RIMBP2: variants seen among roughly 807,000 people sequenced by gnomAD.
The protein encoded by RIMBP2 is RIMS binding protein 2.
Under a neutral mutation model 118.6 loss-of-function variants are expected in RIMBP2, and 48 were observed. The observed-to-expected ratio is 0.40, with a 90% CI of 0.32 to 0.51. The LOEUF is 0.51. Ranked by LOEUF, RIMBP2 falls within the 20% of genes least tolerant of loss-of-function variation. RIMBP2 has a pLI of 0.41. For missense variants in RIMBP2, 1,551 were observed against 1,768.3 expected (o/e 0.88, Z 2.20); for synonymous variants, 762 against 742.9 (o/e 1.03, Z -0.42).
Position 130,434,602 on chromosome 12 carries a change from C to G in RIMBP2, c.2253+132G>C, listed in dbSNP as rs2077371764. 6 of 935,012 alleles carry G rather than the reference C, an allele frequency of 6.4e-6. No individual in the cohort carries two copies. The highest frequency in any genetic ancestry group is 7.9e-6 in the Non-Finnish European group (5 of 636,310). 57.9% of individuals were successfully genotyped at this position (935,012 alleles called of 1,614,324 possible). On this transcript the variant is annotated intron_variant, in intron 14 of 22. Transcript: ENST00000690449. The surrounding 1 kb of genome is among the most constrained non-coding windows in gnomAD (Gnocchi z 5.7). ...AGAAACCTAGCACGACTTAGGACCC[C>G]AGCTGGGCGTCTCCATCTCTCTCAG...
chr12:130,613,686 T>A (rs964422901), intron 2 of RIMBP2, among the ~76,000 whole-genome samples: 1 of 151,478 alleles, frequency 6.6e-6, no homozygotes, highest in African/African-American at 2.4e-5. Context: ...TGGTGGCGGG[T>A]GCCTGTGATC....
At chr12:130,489,537 G>A (rs528930554) in intron 4 of RIMBP2, among the ~76,000 whole-genome samples, 3 of 152,142 alleles carry the variant, frequency 2.0e-5, no homozygotes, top group African/African-American at 4.8e-5. Context: ...TCTGCCTCTC[G>A]AGCTGTCTCC....
chr12:130,463,926 C>T (rs2080228957), intron 6 of RIMBP2, among the ~76,000 whole-genome samples: 1 of 151,690 alleles, frequency 6.6e-6, no homozygotes, highest in African/African-American at 2.4e-5. Context: ...GCTGGTTGTC[C>T]TCACAGCACA....
rs12426879 is a variant in RIMBP2, at chr12:130,621,088, G to A, written c.-217+7234C>T. Among the ~76,000 whole-genome samples the A allele has an allele frequency of 0.37, 55,919 of 152,008 alleles. 12,008 individuals carry two copies. Among genetic ancestry groups the A allele is most frequent in the East Asian group, 0.58 (2,991 of 5,128 alleles). ...GATGGAGTCACCCCTTAGTGAGGGTGGGTTCATTTTTTTACCAGCACCCTG... is the reference window on the plus strand; with the variant it reads ...GATGGAGTCACCCCTTAGTGAGGGTAGGTTCATTTTTTTACCAGCACCCTG... On this transcript the variant is annotated intron_variant, in intron 2 of 22. Coordinates refer to ENST00000690449, the MANE Select transcript of RIMBP2 (RefSeq NM_001393629.1). This position sits in a 1 kb window ranked among gnomAD's most constrained non-coding sequence, Gnocchi z 6.6.
chr12:130,644,540 G>T (rs531245121), intron 1 of RIMBP2, among the ~76,000 whole-genome samples: 2 of 152,270 alleles, frequency 1.3e-5, no homozygotes, highest in Non-Finnish European at 2.9e-5. Context: ...TTACTTCGAG[G>T]AGCCGTATCA....
intron 1 of RIMBP2, among the ~76,000 whole-genome samples, chr12:130,707,031 G>A (rs2066153681): frequency 6.6e-6 from 1 of 152,182 alleles, no homozygotes; most frequent in Non-Finnish European, 1.5e-5. Context: ...AAAACATCAA[G>A]TAACTGAACG....
chr12:130,647,982 C>T (rs2063061241), intron 1 of RIMBP2, among the ~76,000 whole-genome samples: 1 of 128,292 alleles, frequency 7.8e-6, no homozygotes, highest in Admixed American at 7.6e-5. Context: ...ACCCCAGCTC[C>T]GTTGGATAAC....
chr12:130,636,619 G>T lies in RIMBP2; in HGVS notation c.-351-8163C>A, dbSNP rs139351990. On this transcript the variant is annotated intron_variant, in intron 1 of 22. Transcript: ENST00000690449. Reference sequence around the variant, plus strand: ...TGCCAGATACTCGCACACTATTGAAGAAATGAATGGATGGGGAAATGAGTG... The same window carrying T: ...TGCCAGATACTCGCACACTATTGAATAAATGAATGGATGGGGAAATGAGTG... Among the ~76,000 whole-genome samples the T allele has an allele frequency of 4.2e-3, 642 of 152,300 alleles. 4 individuals are homozygous for T. The highest frequency in any genetic ancestry group is 0.015 in the African/African-American group (613 of 41,556).
At chr12:130,452,954 G>A (rs1458955997) in intron 7 of RIMBP2, among the ~76,000 whole-genome samples, 58 of 152,222 alleles carry the variant, frequency 3.8e-4, no homozygotes, top group Non-Finnish European at 7.3e-5. Flanking sequence ...AGAAGACAAG[G>A]TGAGATTAGA....
intron 1 of RIMBP2, among the ~76,000 whole-genome samples, chr12:130,632,689 T>C: frequency 6.6e-6 from 1 of 152,208 alleles, no homozygotes; most frequent in East Asian, 1.9e-4. Flanking sequence ...CATAAAAAAC[T>C]ACTCTGTATG....
chr12:130,500,236 G>A (rs1474873379), intron 4 of RIMBP2, among the ~76,000 whole-genome samples: 1 of 152,200 alleles, frequency 6.6e-6, no homozygotes, highest in Non-Finnish European at 1.5e-5. Context: ...AAGACAGGCA[G>A]ATCACAAGGT....
At position 130,664,411 on chromosome 12, in the gene RIMBP2, G is replaced by GCA. The variant is rs755474700; in HGVS notation, c.-351-35957_-351-35956dup. On this transcript the variant is annotated intron_variant, in intron 1 of 22. Transcript: ENST00000690449. Reference sequence around the variant, plus strand: ...CATGCACACACACGCACGCACGCACGCACACACACGCACACACATGCATGC... The same window carrying GCA: ...CATGCACACACACGCACGCACGCACGCACACACACACGCACACACATGCATGC... 2.1e-4 allele frequency among the ~76,000 whole-genome samples: 18 copies of GCA among 87,428 alleles called. 2 individuals are homozygous for GCA. The highest frequency in any genetic ancestry group is 6.8e-4 in the African/African-American group (18 of 26,460). The allele number at this position is 87,428 out of a possible 152,430, so 57.4% of individuals were successfully genotyped here.
At chr12:130,662,959 AAAAG>A (rs2063724519) in intron 1 of RIMBP2, among the ~76,000 whole-genome samples, 2 of 152,284 alleles carry the variant, frequency 1.3e-5, no homozygotes, top group Non-Finnish European at 2.9e-5. Flanking sequence ...CTGTCTAAAA[AAAAG>A]AATCTGGATG....
intron 4 of RIMBP2, among the ~76,000 whole-genome samples, chr12:130,500,638 G>T (rs1268816817): frequency 1.3e-5 from 2 of 152,090 alleles, no homozygotes; most frequent in Admixed American, 1.3e-4. Context: ...TGTGACCAGT[G>T]GGCTAATTTT....
At chr12:130,505,317 T>C (rs2050195367) in intron 4 of RIMBP2, among the ~76,000 whole-genome samples, 1 of 152,076 alleles carries the variant, frequency 6.6e-6, no homozygotes, top group Non-Finnish European at 1.5e-5. Context: ...GGAATCCACA[T>C]GCCATGAAGG....
chr12:130,594,459 T>C (rs772867799), intron 2 of RIMBP2, among the ~76,000 whole-genome samples: 31 of 152,328 alleles, frequency 2.0e-4, no homozygotes, highest in Admixed American at 3.9e-4. Context: ...ACTTATCTTT[T>C]AAGGCAGGGG....
intron 19 of RIMBP2, among the ~76,000 whole-genome samples, chr12:130,411,040 C>T (rs751223818): frequency 3.9e-5 from 6 of 152,102 alleles, no homozygotes; most frequent in East Asian, 1.9e-4. Flanking sequence ...TTCTGATTTT[C>T]GGCATACAAA....
chr12:130,676,452 A>G lies in RIMBP2; in HGVS notation c.-352+39770T>C, dbSNP rs544384939. On this transcript the variant is annotated intron_variant, in intron 1 of 22. Transcript: ENST00000690449. ...ATCCTGGCCAACATGGTGAAACCCC[A>G]TCTCTACTAAAAATACAAAAATTAG... is the stretch of plus-strand genomic sequence containing the variant. 3.9e-3 allele frequency among the ~76,000 whole-genome samples: 587 copies of G among 151,894 alleles called. 8 individuals are homozygous for G. The highest frequency in any genetic ancestry group is 1.3e-3 in the Non-Finnish European group (87 of 67,964).
At chr12:130,466,046 G>A (rs1489241103) in intron 6 of RIMBP2, 4 of 152,218 alleles carry the variant, frequency 2.6e-5, no homozygotes, top group African/African-American at 4.8e-5. Flanking sequence ...TAACCTCCCT[G>A]TGTCTTGGTT....
Sources: gnomAD v4.1 joint callset for allele counts (sites outside exome capture counted in the v4.1 genomes callset) on GRCh38, gnomAD v4.1.1 for gene constraint, Gnocchi (gnomAD v3.1) non-coding constraint, MANE v1.5 for transcripts, NCBI Gene and HGNC (gene_info 2026-07-23, HGNC 2026-07-21) for gene names.